Variants in TTC32 observed in about 807,000 individuals in gnomAD.
TTC32 encodes tetratricopeptide repeat domain 32.
Under a neutral mutation model 15.3 loss-of-function variants are expected in TTC32, and 16 were observed. The ratio of observed to expected loss-of-function variants is 1.05; its 90% confidence interval spans 0.71 to 1.59. The LOEUF (loss-of-function observed/expected upper bound fraction) is 1.59. TTC32 is among the 40% of genes most tolerant of loss of function. The pLI, the probability that TTC32 is intolerant of heterozygous loss-of-function variation, is 0.00. For synonymous variants in TTC32, 89 were observed against 67.8 expected, an observed-to-expected ratio of 1.31 and a Z score of -1.53; for missense variants, 188 against 181.9, an observed-to-expected ratio of 1.03 and a Z score of -0.19.
At chr2:19,901,624 C>T in intron 1 of TTC32, 82 bp downstream of exon 1, 1 of 1,528,208 alleles carries the variant, frequency 6.5e-7, no homozygotes, top group Non-Finnish European at 8.8e-7. Context: ...CCGTGAGCTC[C>T]AGAGGCAAAG....
chr2:19,900,352 T>C (rs888307337), intron 1 of TTC32, among the ~76,000 whole-genome samples: 3 of 152,204 alleles, frequency 2.0e-5, no homozygotes, highest in African/African-American at 7.2e-5. Context: ...CAGAAACTTC[T>C]ATTATTATTC....
intron 1 of TTC32, chr2:19,901,227 A>C (rs7572167): frequency 0.11 from 38,719 of 340,644 alleles, 2,718 homozygotes; most frequent in South Asian, 0.21. Flanking sequence ...CAAGTGAAAA[A>C]CACCACCAAG....
rs199997648 is a variant in TTC32 at position 19,901,761 on chromosome 2, A to C, written c.94T>G (p.Ser32Ala). 14 of 1,614,080 alleles carry C rather than the reference A, an allele frequency of 8.7e-6. No homozygotes were observed. The highest frequency in any genetic ancestry group is 3.3e-5 in the Admixed American group (2 of 60,004). The stretch of plus-strand genomic sequence containing the variant: ...CAAGCGCACCGGCGAATGTAAGCGG[A>C]GTACAGTGCCTCGGCCTCCGCGTAC... ...GEYAEAEALY[S>A]AYIRRCACAA... The change falls in exon 1 of 3, where the codon TCC becomes GCC. Residue 32 changes from serine (S) to alanine (A), a missense_variant. Coordinates refer to ENST00000333610, the MANE Select transcript of TTC32 (RefSeq NM_001008237.3).
intron 1 of TTC32, 39 bp from the exon 2 acceptor site, chr2:19,898,074 C>A (rs759109250): frequency 1.4e-6 from 2 of 1,447,906 alleles, no homozygotes; most frequent in East Asian, 2.4e-5. Context: ...ACCGTGTTAC[C>A]AAATTCCTCT....
At chr2:19,901,137 G>A (rs1022575650) in intron 1 of TTC32, 3 of 466,874 alleles carry the variant, frequency 6.4e-6, no homozygotes, top group Admixed American at 2.4e-5. Flanking sequence ...AATACAATAG[G>A]TAAACTGATA....
chr2:19,901,070 A>G, intron 1 of TTC32: 1 of 471,334 alleles, frequency 2.1e-6, no homozygotes, highest in Non-Finnish European at 4.4e-6. Context: ...TGACGACTTG[A>G]TATTAAGTAA....
Position 19,896,897 on chromosome 2 carries a change from T to C in TTC32, c.*90A>G. 8.0e-7 allele frequency: 1 copy of C among 1,246,062 alleles called. No homozygotes were observed. The highest frequency in any genetic ancestry group is 1.1e-6 in the Non-Finnish European group (1 of 918,956). 77.2% of individuals were successfully genotyped at this position (1,246,062 alleles called of 1,614,324 possible). On this transcript the variant is annotated 3_prime_UTR_variant, in exon 3 of 3. Transcript: ENST00000333610. Reference sequence around the variant, plus strand: ...AGTGCTAATGTATTAATTTCTTAAATATAAATCAAAATAGCTCAATATCTA... The same window carrying C: ...AGTGCTAATGTATTAATTTCTTAAACATAAATCAAAATAGCTCAATATCTA...
At chr2:19,900,221 C>T (rs1457168918) in intron 1 of TTC32, among the ~76,000 whole-genome samples, 3 of 152,218 alleles carry the variant, frequency 2.0e-5, no homozygotes, top group Admixed American at 2.0e-4. Context: ...TTTTTAAAAT[C>T]TACTAGGTAA....
In TTC32 at chr2:19,901,636, T is replaced by C. The variant is rs199804303; in HGVS notation, c.149+70A>G. ...CGACCGTGAGCTCCAGAGGCAAAGA[T>C]AGGAGCCCAAACAACCCCAACGTCG... On this transcript the variant is annotated intron_variant, in intron 1 of 2. Transcript: ENST00000333610. 2.5e-3 allele frequency: 3,848 copies of C among 1,553,632 alleles called. 7 individuals carry two copies. Among genetic ancestry groups the C allele is most frequent in the Middle Eastern group, 7.1e-3 (31 of 4,362 alleles).
intron 1 of TTC32, 157 bp downstream of exon 1, chr2:19,901,549 A>T: frequency 9.8e-7 from 1 of 1,016,046 alleles, no homozygotes. Flanking sequence ...GGCCTCGCCT[A>T]GGCCTTTCTA....
intron 1 of TTC32, chr2:19,901,034 T>C (rs1287675119): frequency 4.3e-6 from 2 of 469,396 alleles, no homozygotes; most frequent in Non-Finnish European, 4.4e-6. Context: ...AAACACCTTA[T>C]TAGTCGATCA....
At chr2:19,900,907 A>C in intron 1 of TTC32, 1 of 320,734 alleles carries the variant, frequency 3.1e-6, no homozygotes, top group Non-Finnish European at 6.5e-6. Context: ...ACGGAAATTC[A>C]AAGGACACAA....
chr2:19,899,848 T>G (rs1238054130), intron 1 of TTC32, among the ~76,000 whole-genome samples: 2 of 152,110 alleles, frequency 1.3e-5, no homozygotes, highest in Admixed American at 1.3e-4. Context: ...TTGCAAATAT[T>G]GTTTCAAAAT....
At chr2:19,900,907 AAAG>A in intron 1 of TTC32, 1 of 320,734 alleles carries the variant, frequency 3.1e-6, no homozygotes. Flanking sequence ...ACGGAAATTC[AAAG>A]GACACAAGAA....
chr2:19,897,831 A>G (rs375229555), intron 2 of TTC32, 38 bp downstream of exon 2: 268 of 1,413,130 alleles, frequency 1.9e-4, no homozygotes, highest in Non-Finnish European at 2.0e-4. Flanking sequence ...AACAGAATAC[A>G]GTCAATGACA....
Position 19,901,661 on chromosome 2 carries a change from G to T in TTC32, c.149+45C>A, listed in dbSNP as rs370202958. ...TAGGAGCCCAAACAACCCCAACGTC[G>T]CCTCCACCCGGGGTCGCCGCGGCCC... is the stretch of plus-strand genomic sequence containing the variant. On this transcript the variant is annotated intron_variant, in intron 1 of 2. Coordinates refer to ENST00000333610, the MANE Select transcript of TTC32 (RefSeq NM_001008237.3). 10 of 1,587,390 alleles carry T rather than the reference G, an allele frequency of 6.3e-6. No homozygotes were observed. In the South Asian group the frequency reaches 7.9e-5, roughly 13 times the overall value.
At chr2:19,898,771 T>C (rs558529937) in intron 1 of TTC32, among the ~76,000 whole-genome samples, 3 of 152,354 alleles carry the variant, frequency 2.0e-5, no homozygotes, top group Admixed American at 6.5e-5. Flanking sequence ...TCCTGGGCTG[T>C]ACAGCCAGGT....
chr2:19,900,392 T>C (rs1669582115), intron 1 of TTC32, among the ~76,000 whole-genome samples: 1 of 152,218 alleles, frequency 6.6e-6, no homozygotes, highest in Non-Finnish European at 1.5e-5. Context: ...GAAGGCAATT[T>C]TCTTTCTGGT....
chr2:19,897,616 A>G (rs1279534587), intron 2 of TTC32, among the ~76,000 whole-genome samples: 1 of 152,228 alleles, frequency 6.6e-6, no homozygotes, highest in Non-Finnish European at 1.5e-5. Flanking sequence ...CTGGGAATGC[A>G]CAAGCACAAA....
Sources: allele counts gnomAD v4.1 joint callset (sites outside exome capture counted in the v4.1 genomes callset), GRCh38; gene constraint gnomAD v4.1.1; transcripts MANE v1.5; gene names NCBI Gene and HGNC (gene_info 2026-07-23, HGNC 2026-07-21).